The following PVT1 variants were observed in gnomAD, a reference collection of about 807,000 sequenced individuals.
PVT1 encodes the protein CXCR4/PVT1 fusion.
At chr8:127,865,788 GC>G (rs955388353) in intron 2 of PVT1, among the ~76,000 whole-genome samples, 42 of 152,328 alleles carry the variant, frequency 2.8e-4, no homozygotes, top group African/African-American at 9.9e-4. Context: ...GGAAGTGAAT[GC>G]AATGGGCGCA....
At chr8:128,062,845 T>G (rs927003552) in intron 4 of PVT1, among the ~76,000 whole-genome samples, 1 of 152,206 alleles carries the variant, frequency 6.6e-6, no homozygotes, top group African/African-American at 2.4e-5. Context: ...TAGAACAGGC[T>G]TCCTTCTCCC....
At chr8:127,848,029 C>A (rs1397270147) in intron 2 of PVT1, among the ~76,000 whole-genome samples, 1 of 152,058 alleles carries the variant, frequency 6.6e-6, no homozygotes, top group African/African-American at 2.4e-5. Flanking sequence ...CTTTGGGTAT[C>A]ATTTGAATTT....
chr8:127,804,182 C>T (rs1228929809), intron 2 of PVT1, among the ~76,000 whole-genome samples: 4 of 152,126 alleles, frequency 2.6e-5, no homozygotes, highest in Admixed American at 6.5e-5. Flanking sequence ...CACCACTGTA[C>T]TCCAGTCTGG....
intron 3 of PVT1, among the ~76,000 whole-genome samples, chr8:127,980,791 C>CTTTTT (rs11361552): frequency 5.5e-4 from 66 of 120,420 alleles, no homozygotes; most frequent in Non-Finnish European, 5.2e-4. Flanking sequence ...ACTACAGCTT[C>CTTTTT]TTTTTTTTTT....
intron 2 of PVT1, among the ~76,000 whole-genome samples, chr8:127,851,117 G>A (rs6998562): frequency 0.65 from 98,415 of 152,024 alleles, 33,241 homozygotes; most frequent in African/African-American, 0.84. Flanking sequence ...AAATCAAAAC[G>A]AAACAATAAA....
At chr8:127,866,048 C>T (rs964301279) in intron 2 of PVT1, among the ~76,000 whole-genome samples, 3 of 152,204 alleles carry the variant, frequency 2.0e-5, no homozygotes, top group Admixed American at 1.3e-4. Context: ...GACAGCGCAG[C>T]CCTGCCTCCG....
intron 4 of PVT1, among the ~76,000 whole-genome samples, chr8:127,995,477 T>C (rs1817094085): frequency 6.6e-6 from 1 of 152,236 alleles, no homozygotes; most frequent in Admixed American, 6.5e-5. Context: ...TATAGGAATC[T>C]ATCCATTTCT....
chr8:127,811,972 C>T (rs979127388), intron 2 of PVT1, among the ~76,000 whole-genome samples: 14 of 151,866 alleles, frequency 9.2e-5, no homozygotes, highest in Non-Finnish European at 1.3e-4. Flanking sequence ...TCAGGTGTGG[C>T]GGCTCGTGCC....
intron 3 of PVT1, among the ~76,000 whole-genome samples, chr8:127,929,358 A>G (rs568524353): frequency 6.6e-6 from 1 of 152,216 alleles, no homozygotes; most frequent in South Asian, 2.1e-4. Context: ...TCGCCCAATT[A>G]AAAATGATTG....
intron 4 of PVT1, chr8:128,008,853 C>A (rs772530326): frequency 2.1e-6 from 1 of 479,682 alleles, no homozygotes; most frequent in Non-Finnish European, 4.6e-6. Flanking sequence ...CCAGGTCCAT[C>A]TAGGAACTAG....
At chr8:127,918,507 G>T (rs1219942505) in intron 3 of PVT1, among the ~76,000 whole-genome samples, 1 of 152,198 alleles carries the variant, frequency 6.6e-6, no homozygotes, top group African/African-American at 2.4e-5. Context: ...AGGCCCTCAG[G>T]AATGTTTACT....
At chr8:127,843,724 C>T (rs1420968482) in intron 2 of PVT1, among the ~76,000 whole-genome samples, 5 of 150,202 alleles carry the variant, frequency 3.3e-5, no homozygotes, top group Admixed American at 6.7e-5. Context: ...GGATTACAGG[C>T]GTGAGCCACC....
chr8:127,800,718 GTCTAC>G (rs1814454739), intron 2 of PVT1, among the ~76,000 whole-genome samples: 1 of 152,120 alleles, frequency 6.6e-6, no homozygotes, highest in South Asian at 2.1e-4. Context: ...TTTGTTGGGT[GTCTAC>G]TCTGTGCCTG....
In PVT1 at chr8:128,056,799, T is replaced by C. The variant is rs571589535; in HGVS notation, n.913-13361T>C. ...ATTTCACGAGTTGCTCCGGGGTGAT[T>C]CTGATAGAAACGTCATAGGCGCTTC... is the stretch of plus-strand genomic sequence containing the variant. On this transcript the variant is annotated intron_variant and non_coding_transcript_variant, in intron 4 of 10. Transcript: ENST00000651587. 2.0e-4 allele frequency among the ~76,000 whole-genome samples: 30 copies of C among 152,202 alleles called. 1 individual carries two copies. The highest frequency in any genetic ancestry group is 4.1e-4 in the Non-Finnish European group (28 of 68,032).
intron 2 of PVT1, among the ~76,000 whole-genome samples, chr8:127,832,159 G>T (rs1251961468): frequency 6.6e-6 from 1 of 151,820 alleles, no homozygotes; most frequent in African/African-American, 2.4e-5. Context: ...CCCCCATCTC[G>T]GCATACATCC....
intron 3 of PVT1, among the ~76,000 whole-genome samples, chr8:127,957,409 A>G (rs1816582630): frequency 6.6e-6 from 1 of 151,990 alleles, no homozygotes; most frequent in Admixed American, 6.6e-5. Flanking sequence ...TCTATTAAAA[A>G]CACAAAAATT....
chr8:127,918,256 G>C (rs138964068), intron 3 of PVT1, among the ~76,000 whole-genome samples: 134 of 152,298 alleles, frequency 8.8e-4, no homozygotes, highest in African/African-American at 3.1e-3. Flanking sequence ...TGACTTTCCT[G>C]GTGGAGGGGA....
rs948799002 is a variant in PVT1 at position 127,944,487 on chromosome 8, T to C, written n.783-44675T>C. On this transcript the variant is annotated intron_variant and non_coding_transcript_variant, in intron 3 of 10. Transcript: ENST00000651587. ...TAAGAGTACTGACCTCACCGGGCTGTTGTGCTACTGGCTGTGCTGCCTGAA... is the reference window on the plus strand; with the variant it reads ...TAAGAGTACTGACCTCACCGGGCTGCTGTGCTACTGGCTGTGCTGCCTGAA... 2.0e-5 allele frequency among the ~76,000 whole-genome samples: 3 copies of C among 152,062 alleles called. No individual in the cohort carries two copies. The South Asian group carries it at 6.2e-4, about 32-fold the overall frequency.
At chr8:127,888,671 G>T (rs974956015) in intron 2 of PVT1, among the ~76,000 whole-genome samples, 36 of 152,214 alleles carry the variant, frequency 2.4e-4, no homozygotes, top group Non-Finnish European at 4.4e-5. Flanking sequence ...CAGAGTCAGA[G>T]ATGCCTTGGT....
Sources: gnomAD v4.1 joint callset for allele counts (sites outside exome capture counted in the v4.1 genomes callset) on GRCh38, gnomAD v4.1.1 for gene constraint, MANE v1.5 for transcripts, NCBI Gene and HGNC (gene_info 2026-07-23, HGNC 2026-07-21) for gene names.